NRXN3: variants seen among roughly 807,000 people sequenced by gnomAD.
The protein encoded by NRXN3 is neurexin III.
A neutral mutation model predicts 137.6 loss-of-function variants in NRXN3; 32 were observed. The observed-to-expected ratio is 0.23, with a 90% CI of 0.18 to 0.31. NRXN3 has a LOEUF of 0.31. Among genes scored for constraint, NRXN3 ranks in the 10% least tolerant of loss-of-function variants. The pLI, the probability that NRXN3 is intolerant of heterozygous loss-of-function variation, is 1.00. For missense variants in NRXN3, 1,574 were observed against 2,062.5 expected (o/e 0.76, Z 4.59); for synonymous variants, 798 against 784.5 (o/e 1.02, Z -0.29).
intron 15 of NRXN3, among the ~76,000 whole-genome samples, chr14:79,341,352 G>A (rs2092601479): frequency 6.6e-6 from 1 of 152,126 alleles, no homozygotes; most frequent in Non-Finnish European, 1.5e-5. Context: ...GTGTGGGAGA[G>A]GCAAACTGTA....
At chr14:79,515,833 G>A (rs1876691660) in intron 16 of NRXN3, among the ~76,000 whole-genome samples, 1 of 152,122 alleles carries the variant, frequency 6.6e-6, no homozygotes, top group Non-Finnish European at 1.5e-5. Flanking sequence ...GCAGGAAGTG[G>A]GTAGCAGTGT....
At chr14:79,607,019 G>A (rs2153838535) in intron 16 of NRXN3, among the ~76,000 whole-genome samples, 1 of 152,302 alleles carries the variant, frequency 6.6e-6, no homozygotes, top group East Asian at 1.9e-4. Context: ...TTCTGTGTAA[G>A]TTTCACGTGA....
intron 15 of NRXN3, among the ~76,000 whole-genome samples, chr14:78,990,294 A>T (rs917634571): frequency 2.7e-5 from 4 of 150,848 alleles, no homozygotes; most frequent in Non-Finnish European, 5.9e-5. Context: ...CCCCACCTGG[A>T]GATTGGACCA....
At chr14:79,813,596 T>G (rs2099242456) in intron 20 of NRXN3, among the ~76,000 whole-genome samples, 1 of 152,228 alleles carries the variant, frequency 6.6e-6, no homozygotes, top group Admixed American at 6.5e-5. Flanking sequence ...TAATCTCAAA[T>G]TCCTCCCCTT....
intron 4 of NRXN3, among the ~76,000 whole-genome samples, chr14:78,420,497 T>C (rs892939627): frequency 1.3e-5 from 2 of 152,226 alleles, no homozygotes; most frequent in African/African-American, 4.8e-5. Flanking sequence ...GTGAACAGTT[T>C]CCAGCTCCAG....
At chr14:78,580,387 C>T (rs1448616757) in intron 4 of NRXN3, among the ~76,000 whole-genome samples, 3 of 152,164 alleles carry the variant, frequency 2.0e-5, no homozygotes, top group Non-Finnish European at 2.9e-5. Flanking sequence ...CCTAAGTTGA[C>T]ACCAGGCTCA....
At chr14:78,453,040 C>G (rs995020247) in intron 4 of NRXN3, among the ~76,000 whole-genome samples, 7 of 152,148 alleles carry the variant, frequency 4.6e-5, no homozygotes, top group Admixed American at 1.3e-4. Context: ...CCAGAACAAG[C>G]CTTCAATAGA....
At chr14:78,188,091 G>A (rs1454396684) in intron 1 of NRXN3, among the ~76,000 whole-genome samples, 1 of 152,166 alleles carries the variant, frequency 6.6e-6, no homozygotes, top group Non-Finnish European at 1.5e-5. Context: ...TAGAGATGGA[G>A]AAACAGGATG....
intron 8 of NRXN3, among the ~76,000 whole-genome samples, chr14:78,724,962 G>C (rs544958952): frequency 2.0e-5 from 3 of 152,164 alleles, no homozygotes; most frequent in Non-Finnish European, 2.9e-5. Context: ...CTACTGGACA[G>C]CTATTTTTCT....
At chr14:78,633,260 A>AAAAAAAAAAAG (rs777062744) in intron 4 of NRXN3, among the ~76,000 whole-genome samples, 6,042 of 148,252 alleles carry the variant, frequency 0.041, 289 homozygotes, top group Middle Eastern at 0.11. Context: ...TCAAAAAAAA[A>AAAAAAAAAAAG]AAAAAAAAGA....
At chr14:78,533,928 G>A (rs2096502740) in intron 4 of NRXN3, among the ~76,000 whole-genome samples, 1 of 152,076 alleles carries the variant, frequency 6.6e-6, no homozygotes, top group African/African-American at 2.4e-5. Flanking sequence ...ATAGTACTGG[G>A]CAAGGTTCTT....
chr14:78,848,733 T>G, intron 10 of NRXN3, among the ~76,000 whole-genome samples: 1 of 152,234 alleles, frequency 6.6e-6, no homozygotes, highest in Admixed American at 6.5e-5. Context: ...GGGATTCAGA[T>G]CTCGAGAATA....
Position 78,250,742 on chromosome 14 carries a change from G to A in NRXN3, c.709+6940G>A, listed in dbSNP as rs139078743. ...CAAGTGTGGGTGCTGCCTTTGGGCAGCCATCTCTAGGACCTGAGAGCCCAG... is the reference window on the plus strand; with the variant it reads ...CAAGTGTGGGTGCTGCCTTTGGGCAACCATCTCTAGGACCTGAGAGCCCAG... On this transcript the variant is annotated intron_variant, in intron 2 of 20. Transcript: ENST00000335750. Among the ~76,000 whole-genome samples the A allele has an allele frequency of 6.7e-3, 1,023 of 152,350 alleles. 9 individuals are homozygous for A. The highest frequency in any genetic ancestry group is 0.023 in the African/African-American group (964 of 41,572).
chr14:78,249,888 C>T lies in NRXN3; in HGVS notation c.709+6086C>T, dbSNP rs188411061. On this transcript the variant is annotated intron_variant, in intron 2 of 20. Transcript: ENST00000335750. ...TATGGCTGCTGGAGGGAAAACGATC[C>T]GGACTTAAATTTGGGCTTGTCTACT... Among the ~76,000 whole-genome samples the T allele has an allele frequency of 4.3e-3, 649 of 152,150 alleles. 3 individuals are homozygous for T. The highest frequency in any genetic ancestry group is 0.027 in the South Asian group (128 of 4,798).
intron 16 of NRXN3, among the ~76,000 whole-genome samples, chr14:79,471,532 G>A (rs1216677686): frequency 6.6e-6 from 1 of 152,162 alleles, no homozygotes; most frequent in Non-Finnish European, 1.5e-5. Context: ...TTAAGCTCAT[G>A]TTGCACTGCA....
chr14:78,292,499 G>A (rs1417159755), intron 3 of NRXN3, among the ~76,000 whole-genome samples: 4 of 152,216 alleles, frequency 2.6e-5, no homozygotes, highest in African/African-American at 9.6e-5. Context: ...GGAGGTGGAA[G>A]GGTCAAAAGT....
chr14:79,585,781 T>C (rs2097761544), intron 16 of NRXN3, among the ~76,000 whole-genome samples: 1 of 152,028 alleles, frequency 6.6e-6, no homozygotes, highest in Non-Finnish European at 1.5e-5. Context: ...TTGTTTAAGT[T>C]TTTGGGAGAC....
At chr14:78,173,223 AC>A (rs1321587652) in intron 1 of NRXN3, among the ~76,000 whole-genome samples, 2 of 151,062 alleles carry the variant, frequency 1.3e-5, no homozygotes, top group Admixed American at 1.3e-4. Flanking sequence ...TCTATTCTGC[AC>A]CCCCCTTTCT....
At chr14:78,284,778 C>T (rs1348059758) in intron 3 of NRXN3, among the ~76,000 whole-genome samples, 3 of 152,102 alleles carry the variant, frequency 2.0e-5, no homozygotes, top group African/African-American at 7.2e-5. Context: ...TTTGTGCTTG[C>T]AGTCAAGAGG....
Sources: allele counts gnomAD v4.1 joint callset (sites outside exome capture counted in the v4.1 genomes callset), GRCh38; gene constraint gnomAD v4.1.1; transcripts MANE v1.5; gene names NCBI Gene and HGNC (gene_info 2026-07-23, HGNC 2026-07-21).